The following LRIG2 variants were observed in gnomAD, a reference collection of about 807,000 sequenced individuals.
The protein encoded by LRIG2 is leucine-rich repeats and immunoglobulin-like domains protein 2.
A neutral mutation model predicts 107.8 loss-of-function variants in LRIG2; 93 were observed. The observed-to-expected ratio is 0.86, with a 90% CI of 0.73 to 1.03. LRIG2 has a LOEUF of 1.03. Ranked by LOEUF, LRIG2 falls within the 50% of genes least tolerant of loss-of-function variation. The probability of loss-of-function intolerance (pLI) is 0.00; values close to 1 mark genes in which losing one functional copy is unlikely to be tolerated. For synonymous variants in LRIG2, 471 were observed against 470.6 expected (o/e 1.00, Z -0.01); for missense variants, 1,226 against 1,296.0 (o/e 0.95, Z 0.83).
Position 113,110,530 on chromosome 1 carries a change from A to G in LRIG2, c.1766A>G (p.Asn589Ser), listed in dbSNP as rs1188866641. 12 of 1,610,442 alleles carry G rather than the reference A, an allele frequency of 7.5e-6. No individual in the cohort carries two copies. The highest frequency in any genetic ancestry group is 1.0e-5 in the Non-Finnish European group (12 of 1,177,026). The change falls in exon 13 of 18, where the codon AAT becomes AGT. Residue 589 changes from asparagine (N) to serine (S), a missense_variant. Around this residue, in one of 3 missense-constraint regions of LRIG2, gnomAD observed 642 missense variants for 712.2 expected, o/e 0.90. Transcript: ENST00000361127. ...ATTGTTACTAATCACTTTGGTTCTAATTATTCTCAGAAAGCCAAACTGACT... is the reference window on the plus strand; with the variant it reads ...ATTGTTACTAATCACTTTGGTTCTAGTTATTCTCAGAAAGCCAAACTGACT... ...QCIVTNHFGS[N>S]YSQKAKLTVN...
chr1:113,122,874 T>A (rs970492471), intron 17 of LRIG2, among the ~76,000 whole-genome samples: 46 of 152,248 alleles, frequency 3.0e-4, no homozygotes, highest in African/African-American at 1.1e-3. Context: ...TGCTCTAGCT[T>A]ACTTTTCACA....
chr1:113,082,603 T>A (rs1478803009), intron 1 of LRIG2, among the ~76,000 whole-genome samples: 1 of 152,132 alleles, frequency 6.6e-6, no homozygotes, highest in African/African-American at 2.4e-5. Context: ...GAGAGAGTTG[T>A]GTAGGGGAGG....
chr1:113,114,979 C>A, intron 15 of LRIG2, 103 bp downstream of exon 15: 1 of 964,488 alleles, frequency 1.0e-6, no homozygotes, highest in Non-Finnish European at 1.5e-6. Flanking sequence ...CATAGTAGCA[C>A]ATGCCTGTAC....
chr1:113,092,059 A>T (rs1003538907), intron 2 of LRIG2, among the ~76,000 whole-genome samples: 9 of 152,304 alleles, frequency 5.9e-5, no homozygotes, highest in Admixed American at 3.3e-4. Context: ...TTGTCTCTGC[A>T]TTCTCTCCTC....
At chr1:113,083,109 C>A (rs1400937737) in intron 1 of LRIG2, among the ~76,000 whole-genome samples, 1 of 151,972 alleles carries the variant, frequency 6.6e-6, no homozygotes, top group Non-Finnish European at 1.5e-5. Context: ...CAGGGTCTCG[C>A]CATGTTGCCC....
At position 113,130,464 on chromosome 1, in the gene LRIG2, A is replaced by G. The variant is rs1655669555; in HGVS notation, c.*6363A>G. ...TCTATTCCAGAAGACAGAGTTATACACAGGGAGGTGTATTATATACTTGCT... is the reference window on the plus strand; with the variant it reads ...TCTATTCCAGAAGACAGAGTTATACGCAGGGAGGTGTATTATATACTTGCT... On this transcript the variant is annotated 3_prime_UTR_variant, in exon 18 of 18. Coordinates refer to ENST00000361127, the MANE Select transcript of LRIG2 (RefSeq NM_014813.3). The G allele has an allele frequency of 6.6e-6, 1 of 152,368 alleles. No homozygotes were observed. The highest frequency in any genetic ancestry group is 2.1e-4 in the South Asian group (1 of 4,834). 9.4% of individuals were successfully genotyped at this position (152,368 alleles called of 1,614,324 possible).
chr1:113,084,376 C>T (rs991494019), intron 1 of LRIG2, among the ~76,000 whole-genome samples: 6 of 151,818 alleles, frequency 4.0e-5, no homozygotes, highest in Admixed American at 2.6e-4. Context: ...CCACCATGCC[C>T]GGCTGATTTT....
intron 6 of LRIG2, among the ~76,000 whole-genome samples, chr1:113,095,471 C>T (rs1332138196): frequency 3.3e-5 from 5 of 151,820 alleles, no homozygotes; most frequent in Admixed American, 2.6e-4. Context: ...TGCAGTGGCA[C>T]AGTCTCGGCT....
chr1:113,086,208 T>C (rs1653545045), intron 1 of LRIG2, among the ~76,000 whole-genome samples: 1 of 151,982 alleles, frequency 6.6e-6, no homozygotes. Context: ...TTTCACCATG[T>C]TGGCAAGGCT....
At position 113,129,324 on chromosome 1, in the gene LRIG2, A is replaced by AAAAAC. The variant is rs1270341658; in HGVS notation, c.*5224_*5228dup. The AAAAAC allele has an allele frequency of 1.3e-5, 2 of 151,352 alleles. No individual in the cohort carries two copies. The highest frequency in any genetic ancestry group is 2.9e-5 in the Non-Finnish European group (2 of 67,954). 9.4% of individuals were successfully genotyped at this position (151,352 alleles called of 1,614,324 possible). ...GACTCCGTCTCAAAAAAAAAAAAAA[A>AAAAAC]AAAACCCGTGTAGGAGTACTGCCTC... is the stretch of plus-strand genomic sequence containing the variant. On this transcript the variant is annotated 3_prime_UTR_variant, in exon 18 of 18. Transcript: ENST00000361127.
intron 1 of LRIG2, among the ~76,000 whole-genome samples, chr1:113,080,402 C>T (rs1213749434): frequency 1.3e-5 from 2 of 150,678 alleles, no homozygotes; most frequent in Admixed American, 6.6e-5. Context: ...TTTTTGGAGA[C>T]GGAGTCTCGC....
At chr1:113,095,674 T>C (rs1654030073) in intron 6 of LRIG2, among the ~76,000 whole-genome samples, 200 bp from the exon 7 acceptor site, 1 of 152,196 alleles carries the variant, frequency 6.6e-6, no homozygotes, top group South Asian at 2.1e-4. Flanking sequence ...CCCAAAGTGC[T>C]GGGATTACAG....
Position 113,073,393 on chromosome 1 carries a change from G to C in LRIG2, c.-14G>C. 6.2e-7 allele frequency: 1 copy of C among 1,610,004 alleles called. No individual in the cohort carries two copies. The highest frequency in any genetic ancestry group is 8.5e-7 in the Non-Finnish European group (1 of 1,176,718). On this transcript the variant is annotated 5_prime_UTR_variant, in exon 1 of 18. Transcript: ENST00000361127. ...AGGCAGCTCTTCTAGGCCACGTCCA[G>C]GTCGAGGGGGAAAATGGCGCCGGCG...
At chr1:113,085,317 C>T (rs1220809072) in intron 1 of LRIG2, among the ~76,000 whole-genome samples, 1 of 152,046 alleles carries the variant, frequency 6.6e-6, no homozygotes, top group Non-Finnish European at 1.5e-5. Context: ...GAGTTTCATT[C>T]TTGTTGCCCA....
intron 11 of LRIG2, among the ~76,000 whole-genome samples, chr1:113,106,822 T>C (rs867519146): frequency 1.3e-5 from 2 of 152,168 alleles, no homozygotes; most frequent in Non-Finnish European, 1.5e-5. Flanking sequence ...GAAGTGTTTT[T>C]AGTGTTGATG....
At chr1:113,092,386 T>C (rs1182894853) in intron 2 of LRIG2, among the ~76,000 whole-genome samples, 1 of 152,232 alleles carries the variant, frequency 6.6e-6, no homozygotes, top group East Asian at 1.9e-4. Context: ...CAACATGTTA[T>C]GTTATCTGTA....
At position 113,077,102 on chromosome 1, in the gene LRIG2, A is replaced by G. The variant is rs550747974; in HGVS notation, c.239+3457A>G. ...AGATTTAGCTTTATGAAATAAAAGT[A>G]ACCTTTTCCTTACTGTTTTATTTCA... is the stretch of plus-strand genomic sequence containing the variant. On this transcript the variant is annotated intron_variant, in intron 1 of 17. Transcript: ENST00000361127. Among the ~76,000 whole-genome samples, 4 of 152,256 alleles carry G rather than the reference A, an allele frequency of 2.6e-5. No individual in the cohort carries two copies. The East Asian group carries it at 7.7e-4, about 29-fold the overall frequency.
intron 8 of LRIG2, among the ~76,000 whole-genome samples, chr1:113,097,535 T>C (rs1654119238): frequency 1.3e-5 from 2 of 152,236 alleles, no homozygotes; most frequent in African/African-American, 2.4e-5. Flanking sequence ...TTTTCCTATA[T>C]TATCAGAAGT....
Position 113,073,234 on chromosome 1 carries a change from C to T in LRIG2, c.-173C>T. 7 of 626,414 alleles carry T rather than the reference C, an allele frequency of 1.1e-5. 1 individual carries two copies. Among genetic ancestry groups the T allele is most frequent in the South Asian group, 5.7e-5 (3 of 52,820 alleles). 38.8% of individuals were successfully genotyped at this position (626,414 alleles called of 1,614,324 possible). On this transcript the variant is annotated 5_prime_UTR_variant, in exon 1 of 18. Transcript: ENST00000361127. ...GTCCGTCAGGCCGTGTGTCCCAGGCCGTCGACCCCGCTGTCGCGCTGCGTC... is the reference window on the plus strand; with the variant it reads ...GTCCGTCAGGCCGTGTGTCCCAGGCTGTCGACCCCGCTGTCGCGCTGCGTC...
Sources: gnomAD v4.1 joint callset for allele counts (sites outside exome capture counted in the v4.1 genomes callset) on GRCh38, gnomAD v4.1.1 for gene constraint, gnomAD v4.1.1 regional missense constraint, MANE v1.5 for transcripts, NCBI Gene and HGNC (gene_info 2026-07-23, HGNC 2026-07-21) for gene names.